Variants in POLR3B observed in about 807,000 individuals in gnomAD.
POLR3B encodes RNA polymerase III subunit B.
A neutral mutation model predicts 147.4 loss-of-function variants in POLR3B; 96 were observed. That is an observed-to-expected ratio of 0.65 (90% CI 0.55 to 0.77). The LOEUF is 0.77. Among genes scored for constraint, POLR3B ranks in the 30% least tolerant of loss-of-function variants. The probability of loss-of-function intolerance (pLI) is 0.00; values close to 1 mark genes in which losing one functional copy is unlikely to be tolerated. For synonymous variants in POLR3B, 461 were observed against 485.9 expected, an observed-to-expected ratio of 0.95 and a Z score of 0.67; for missense variants, 1,036 against 1,413.5, an observed-to-expected ratio of 0.73 and a Z score of 4.28.
chr12:106,476,929 A>C (rs1251383361), intron 23 of POLR3B, among the ~76,000 whole-genome samples: 1 of 151,488 alleles, frequency 6.6e-6, no homozygotes, highest in Non-Finnish European at 1.5e-5. Flanking sequence ...ATTCCTTTGG[A>C]GGAGGAGAGG....
At chr12:106,445,754 C>T (rs1181280715) in intron 19 of POLR3B, among the ~76,000 whole-genome samples, 2 of 152,122 alleles carry the variant, frequency 1.3e-5, no homozygotes, top group Non-Finnish European at 2.9e-5. Flanking sequence ...CATAAAGAAA[C>T]TGTAAAAATA....
intron 18 of POLR3B, among the ~76,000 whole-genome samples, chr12:106,438,430 TAGAA>T (rs2037606202): frequency 6.6e-6 from 1 of 151,994 alleles, no homozygotes; most frequent in African/African-American, 2.4e-5. Context: ...CACACACTCA[TAGAA>T]AGATATATCC....
intron 23 of POLR3B, among the ~76,000 whole-genome samples, chr12:106,491,996 G>T (rs918476932): frequency 6.6e-6 from 1 of 152,164 alleles, no homozygotes; most frequent in Non-Finnish European, 1.5e-5. Context: ...CAGCAAAATT[G>T]AAACAATCTT....
At chr12:106,425,064 G>A (rs993522136) in intron 12 of POLR3B, among the ~76,000 whole-genome samples, 1 of 152,164 alleles carries the variant, frequency 6.6e-6, no homozygotes. Context: ...AGTAAAGACA[G>A]TTTTATTGCT....
In POLR3B at chr12:106,500,337, G is replaced by T. The variant is rs1180867178; in HGVS notation, c.2985-986G>T. ...AAACTCTTACTACAGACTTTCTAAA[G>T]ATTCATTGAAGCAGTTATGTAATAG... On this transcript the variant is annotated intron_variant, in intron 25 of 27. Coordinates refer to ENST00000228347, the MANE Select transcript of POLR3B (RefSeq NM_018082.6). Among the ~76,000 whole-genome samples the T allele has an allele frequency of 1.3e-5, 2 of 152,198 alleles. 1 individual carries two copies. Among genetic ancestry groups the T allele is most frequent in the Non-Finnish European group, 2.9e-5 (2 of 68,036 alleles).
chr12:106,501,971 G>A (rs2038609105), intron 26 of POLR3B, among the ~76,000 whole-genome samples: 1 of 152,228 alleles, frequency 6.6e-6, no homozygotes, highest in African/African-American at 2.4e-5. Flanking sequence ...CAAGCACAAT[G>A]TCTGTGGGTT....
At chr12:106,424,144 G>A (rs1000967281) in intron 12 of POLR3B, among the ~76,000 whole-genome samples, 6 of 151,906 alleles carry the variant, frequency 3.9e-5, no homozygotes, top group Admixed American at 2.6e-4. Context: ...GTGAGCCACC[G>A]AGCCCAGCCC....
intron 9 of POLR3B, among the ~76,000 whole-genome samples, chr12:106,391,551 C>A (rs551264110): frequency 2.0e-5 from 3 of 152,236 alleles, no homozygotes; most frequent in African/African-American, 7.2e-5. Flanking sequence ...TACATCGGAT[C>A]CTAAAGTATC....
At chr12:106,493,646 A>G (rs2038435233) in intron 23 of POLR3B, among the ~76,000 whole-genome samples, 1 of 152,224 alleles carries the variant, frequency 6.6e-6, no homozygotes, top group Non-Finnish European at 1.5e-5. Flanking sequence ...TTAATTATTT[A>G]CTTGTGTCAC....
chr12:106,497,685 A>G (rs756417727), intron 25 of POLR3B, among the ~76,000 whole-genome samples: 13 of 152,230 alleles, frequency 8.5e-5, no homozygotes, highest in Non-Finnish European at 1.6e-4. Context: ...CTAAGCACCT[A>G]CCTAATATGT....
At chr12:106,441,223 A>G (rs571965123) in intron 18 of POLR3B, among the ~76,000 whole-genome samples, 1 of 152,318 alleles carries the variant, frequency 6.6e-6, no homozygotes, top group African/African-American at 2.4e-5. Flanking sequence ...ATTAGTATAT[A>G]TATTTATATA....
At chr12:106,385,157 C>G (rs11615682) in intron 9 of POLR3B, among the ~76,000 whole-genome samples, 57,994 of 151,964 alleles carry the variant, frequency 0.38, 12,839 homozygotes, top group African/African-American at 0.61. Context: ...CAGAAAATAA[C>G]GTTCTGTATT....
chr12:106,418,335 TGGAAAGCCAG>T (rs2037332896), intron 12 of POLR3B, among the ~76,000 whole-genome samples: 1 of 152,238 alleles, frequency 6.6e-6, no homozygotes, highest in Non-Finnish European at 1.5e-5. Context: ...TCCGGCACCC[TGGAAAGCCAG>T]GGATTTCTAC....
At chr12:106,360,276 A>G (rs1183597562) in intron 1 of POLR3B, among the ~76,000 whole-genome samples, 1 of 152,174 alleles carries the variant, frequency 6.6e-6, no homozygotes, top group African/African-American at 2.4e-5. Context: ...TATTGCTCTT[A>G]GGGCAAAATC....
intron 23 of POLR3B, among the ~76,000 whole-genome samples, chr12:106,491,234 G>A (rs1009697176): frequency 2.6e-5 from 4 of 152,016 alleles, no homozygotes; most frequent in South Asian, 2.1e-4. Flanking sequence ...AATTATTCCC[G>A]TTACAAAGAG....
At chr12:106,369,746 A>G (rs1247464697) in intron 6 of POLR3B, 63 bp downstream of exon 6, 12 of 1,044,552 alleles carry the variant, frequency 1.1e-5, no homozygotes, top group African/African-American at 1.6e-5. Context: ...ATGTGATCCC[A>G]TTTCCTCATC....
At chr12:106,423,823 C>T (rs2037401542) in intron 12 of POLR3B, among the ~76,000 whole-genome samples, 1 of 151,980 alleles carries the variant, frequency 6.6e-6, no homozygotes, top group African/African-American at 2.4e-5. Context: ...GTCAAGCTGA[C>T]ACCTAAAATT....
chr12:106,458,238 C>G (rs1253977129), intron 21 of POLR3B, among the ~76,000 whole-genome samples: 3 of 152,120 alleles, frequency 2.0e-5, no homozygotes, highest in African/African-American at 7.2e-5. Flanking sequence ...TCTCCCACTT[C>G]AACCTCCTGT....
At chr12:106,500,478 A>G (rs972404236) in intron 25 of POLR3B, among the ~76,000 whole-genome samples, 1 of 152,172 alleles carries the variant, frequency 6.6e-6, no homozygotes, top group Non-Finnish European at 1.5e-5. Flanking sequence ...AAGACAGGCA[A>G]TAATCCGAGA....
Sources: gnomAD v4.1 joint callset for allele counts (sites outside exome capture counted in the v4.1 genomes callset) on GRCh38, gnomAD v4.1.1 for gene constraint, MANE v1.5 for transcripts, NCBI Gene and HGNC (gene_info 2026-07-23, HGNC 2026-07-21) for gene names.